LARGE1: variants seen among roughly 807,000 people sequenced by gnomAD.
LARGE1 encodes the protein xylosyl- and glucuronyltransferase LARGE1.
Under a neutral mutation model 87.6 loss-of-function variants are expected in LARGE1, and 43 were observed. The ratio of observed to expected loss-of-function variants is 0.49; its 90% CI spans 0.38 to 0.63. The LOEUF (loss-of-function observed/expected upper bound fraction) is 0.63, where lower values mean the gene tolerates loss of function less well. Among genes scored for constraint, LARGE1 ranks in the 30% least tolerant of loss-of-function variants. The pLI is 0.00. For missense variants in LARGE1, 802 were observed against 1,000.2 expected, an observed-to-expected ratio of 0.80 and a Z score of 2.67; for synonymous variants, 434 against 394.6, an observed-to-expected ratio of 1.10 and a Z score of -1.18.
chr22:33,451,393 G>A (rs1394961925), intron 6 of LARGE1, among the ~76,000 whole-genome samples: 1 of 150,122 alleles, frequency 6.7e-6, no homozygotes, highest in East Asian at 1.9e-4. Flanking sequence ...TTGGGGAACA[G>A]GTGATGCTTG....
intron 11 of LARGE1, among the ~76,000 whole-genome samples, chr22:33,183,732 C>G (rs1923317726): frequency 6.6e-6 from 1 of 151,658 alleles, no homozygotes; most frequent in Non-Finnish European, 1.5e-5. Flanking sequence ...TGAAATAAAC[C>G]AGACACAGAA....
chr22:33,277,427 C>A (rs1280127155), intron 13 of LARGE1, among the ~76,000 whole-genome samples, 172 bp from the exon 14 acceptor site: 2 of 152,170 alleles, frequency 1.3e-5, no homozygotes, highest in African/African-American at 4.8e-5. Context: ...GTGAATGGGA[C>A]CTATTTGGAA....
At chr22:33,772,074 C>T (rs185239261) in intron 1 of LARGE1, among the ~76,000 whole-genome samples, 1 of 152,356 alleles carries the variant, frequency 6.6e-6, no homozygotes, top group African/African-American at 2.4e-5. Context: ...CGGCTCACAC[C>T]TGTAATCCCA....
At chr22:33,383,892 G>A (rs192894432) in intron 8 of LARGE1, among the ~76,000 whole-genome samples, 3 of 152,342 alleles carry the variant, frequency 2.0e-5, no homozygotes, top group African/African-American at 7.2e-5. Context: ...TAGACGCTAA[G>A]CTCTATGAGG....
chr22:33,826,343 C>A (rs80212222), intron 1 of LARGE1, among the ~76,000 whole-genome samples: 1 of 129,634 alleles, frequency 7.7e-6, no homozygotes, highest in Non-Finnish European at 1.6e-5. Context: ...CCTTTGCATA[C>A]CTTTTTTTTT....
chr22:33,905,344 T>C (rs1265036491), intron 1 of LARGE1, among the ~76,000 whole-genome samples: 4 of 152,094 alleles, frequency 2.6e-5, no homozygotes, highest in African/African-American at 9.7e-5. Context: ...GCTGAGATAA[T>C]AGGCATGAGC....
At chr22:33,231,830 T>A (rs1484850525) in intron 11 of LARGE1, among the ~76,000 whole-genome samples, 1 of 152,250 alleles carries the variant, frequency 6.6e-6, no homozygotes, top group African/African-American at 2.4e-5. Context: ...CTACTATTAG[T>A]ACTTATATTA....
intron 12 of LARGE1, among the ~76,000 whole-genome samples, chr22:33,283,798 GAGAA>G (rs146821220): frequency 0.053 from 7,395 of 140,172 alleles, 573 homozygotes; most frequent in African/African-American, 0.17. Flanking sequence ...GGGGAAGAAA[GAGAA>G]AGAAAGAAAG....
At chr22:33,679,897 C>G (rs777410374) in intron 2 of LARGE1, among the ~76,000 whole-genome samples, 1 of 152,212 alleles carries the variant, frequency 6.6e-6, no homozygotes, top group Non-Finnish European at 1.5e-5. Context: ...AGGCCTGGCA[C>G]AGATCCTTCC....
At chr22:33,165,608 T>C (rs962000192) in exon 12 of LARGE1, 1 of 152,222 alleles carries the variant, frequency 6.6e-6, no homozygotes, top group Non-Finnish European at 1.5e-5. Context: ...CACAGCATTA[T>C]TAGCGAGGAC....
At chr22:33,157,364 T>A (rs548648949), downstream of LARGE1, among the ~76,000 whole-genome samples, 7 of 152,358 alleles carry the variant, frequency 4.6e-5, no homozygotes, top group African/African-American at 1.4e-4. Context: ...TGGTATCCCA[T>A]GCTTAAAAAC....
chr22:33,761,499 A>C lies in LARGE1; in HGVS notation c.-23T>G, dbSNP rs2084728570. On this transcript the variant is annotated 5_prime_UTR_variant, in exon 2 of 15. The change creates a new upstream start codon in the 5' untranslated region. Coordinates refer to ENST00000397394, the MANE Select transcript of LARGE1 (RefSeq NM_133642.5). ...CATCCTCTCAGAAGTGGCAATCCCT[A>C]ATCCCAGCGCCGTTTCTCTGTCCGG... 6.3e-7 allele frequency: 1 copy of C among 1,576,104 alleles called. No individual in the cohort carries two copies. The highest frequency in any genetic ancestry group is 1.1e-5 in the South Asian group (1 of 90,360).
intron 12 of LARGE1, among the ~76,000 whole-genome samples, chr22:33,297,472 G>A (rs1325640416): frequency 6.6e-6 from 1 of 151,782 alleles, no homozygotes; most frequent in African/African-American, 2.4e-5. Flanking sequence ...AATTAGCCAG[G>A]TGTGGTGGCA....
intron 6 of LARGE1, among the ~76,000 whole-genome samples, chr22:33,536,548 C>A (rs996648075): frequency 6.6e-6 from 1 of 152,254 alleles, no homozygotes. Flanking sequence ...AAAGACAAGT[C>A]AACAAGCATT....
chr22:33,423,506 G>T (rs1165887278), intron 7 of LARGE1, among the ~76,000 whole-genome samples: 1 of 150,968 alleles, frequency 6.6e-6, no homozygotes, highest in South Asian at 2.1e-4. Flanking sequence ...GTGAAACCCC[G>T]TCTCTATTAA....
chr22:33,789,214 G>A (rs2085744947), intron 1 of LARGE1, among the ~76,000 whole-genome samples: 1 of 152,232 alleles, frequency 6.6e-6, no homozygotes, highest in South Asian at 2.1e-4. Context: ...CCAACATAGA[G>A]CTCAGGCCAT....
downstream of LARGE1, among the ~76,000 whole-genome samples, chr22:33,159,556 T>TGCCTCTTG (rs1292941589): frequency 6.6e-6 from 1 of 151,876 alleles, no homozygotes; most frequent in Non-Finnish European, 1.5e-5. Flanking sequence ...GTAGTTACTC[T>TGCCTCTTG]GCCTCTTGGT....
At chr22:33,383,616 G>A (rs753120155) in intron 8 of LARGE1, among the ~76,000 whole-genome samples, 19 of 152,170 alleles carry the variant, frequency 1.2e-4, no homozygotes, top group Non-Finnish European at 2.2e-4. Flanking sequence ...TAGAGTTCAA[G>A]GAGTTTCTGA....
the LARGE1 span, among the ~76,000 whole-genome samples, chr22:33,123,846 T>C: frequency 6.6e-6 from 1 of 152,090 alleles, no homozygotes; most frequent in Admixed American, 6.6e-5. Context: ...TGGAACTGGG[T>C]GAAGGCCTGC....
Sources: allele counts gnomAD v4.1 joint callset (sites outside exome capture counted in the v4.1 genomes callset), GRCh38; gene constraint gnomAD v4.1.1; transcripts MANE v1.5; gene names NCBI Gene and HGNC (gene_info 2026-07-23, HGNC 2026-07-21).